The following NCAPG variants were observed in gnomAD, a reference collection of about 807,000 sequenced individuals.
NCAPG encodes condensin complex subunit 3.
NCAPG carries 69 observed loss-of-function variants against 113.1 expected under a neutral mutation model. The observed-to-expected ratio is 0.61, with a 90% CI of 0.50 to 0.75. The LOEUF is 0.75. NCAPG is among the 30% of genes least tolerant of loss of function. The pLI, the probability that NCAPG is intolerant of heterozygous loss-of-function variation, is 0.00. For missense variants in NCAPG, 1,058 were observed against 1,177.0 expected (o/e 0.90, Z 1.48); for synonymous variants, 370 against 415.8 (o/e 0.89, Z 1.34).
At chr4:17,834,185 C>A in intron 13 of NCAPG, 114 bp from the exon 14 acceptor site, 1 of 613,810 alleles carries the variant, frequency 1.6e-6, no homozygotes, top group Non-Finnish European at 2.7e-6. Context: ...TTAGACTAGA[C>A]ACTGTCATTA....
Position 17,839,658 on chromosome 4 carries a change from T to C in NCAPG, c.2467-18T>C, listed in dbSNP as rs760741655. On this transcript the variant is annotated intron_variant, in intron 16 of 20. Coordinates refer to ENST00000251496, the MANE Select transcript of NCAPG (RefSeq NM_022346.5). ...TAATCATCTTCAATTTACAGAGAAT[T>C]TTCTCTTAATTTTTTAGGCCTTAAC... The C allele has an allele frequency of 6.2e-5, 90 of 1,462,410 alleles. No homozygotes were observed. The South Asian group carries it at 1.3e-3, about 21-fold the overall frequency. The allele number at this position is 1,462,410 out of a possible 1,614,324, so 90.6% of individuals were successfully genotyped here.
intron 9 of NCAPG, 39 bp downstream of exon 9, chr4:17,823,809 T>C (rs1297414610): frequency 2.0e-5 from 31 of 1,529,982 alleles, no homozygotes; most frequent in Non-Finnish European, 2.8e-5. Flanking sequence ...GAGGTTTTGG[T>C]CAATGACATT....
At chr4:17,828,496 C>G in intron 12 of NCAPG, 108 bp downstream of exon 12, 1 of 551,378 alleles carries the variant, frequency 1.8e-6, no homozygotes, top group South Asian at 2.9e-5. Flanking sequence ...TCTTAAATAT[C>G]TGATAAGTAT....
intron 5 of NCAPG, among the ~76,000 whole-genome samples, chr4:17,816,986 G>T (rs1320998839): frequency 2.6e-5 from 4 of 152,128 alleles, no homozygotes; most frequent in Non-Finnish European, 5.9e-5. Context: ...GGTGGCGCAT[G>T]CCTGTAGTCC....
At chr4:17,840,715 T>C in intron 19 of NCAPG, 22 bp downstream of exon 19, 1 of 1,411,766 alleles carries the variant, frequency 7.1e-7, no homozygotes, top group Admixed American at 2.7e-5. Flanking sequence ...ATTGACCATC[T>C]TTATGATAAA....
Position 17,839,749 on chromosome 4 carries a change from T to C in NCAPG, c.2540T>C (p.Ile847Thr). 6.3e-7 allele frequency: 1 copy of C among 1,588,596 alleles called. No homozygotes were observed. The highest frequency in any genetic ancestry group is 8.5e-7 in the Non-Finnish European group (1 of 1,173,774). The change falls in exon 17 of 21, where the codon ATT (isoleucine) becomes ACT (threonine). Residue 847 changes from isoleucine to threonine, a missense_variant. Ile to Thr is a moderately conservative substitution (Grantham distance 89, BLOSUM62 -1). Transcript: ENST00000251496. Reference sequence around the variant, plus strand: ...TTAACAAGTCCGTGCTCGCCAGAAATTCGAGTCTATACAAAAGCCTTGAGT... The same window carrying C: ...TTAACAAGTCCGTGCTCGCCAGAAACTCGAGTCTATACAAAAGCCTTGAGT... ...EILTSPCSPE[I>T]RVYTKALSSL...
In NCAPG at chr4:17,811,329, T is replaced by G; in HGVS notation, c.111+141T>G. ...CGACTCACTTCATAGGGATCTGAGG[T>G]TCGGAGAAGTCAGGGACTTACCCGA... On this transcript the variant is annotated intron_variant, in intron 1 of 20. Coordinates refer to ENST00000251496, the MANE Select transcript of NCAPG (RefSeq NM_022346.5). This position sits in a 1 kb window ranked among gnomAD's most constrained non-coding sequence, Gnocchi z 5.3. The G allele has an allele frequency of 1.9e-6, 1 of 516,862 alleles. No individual in the cohort carries two copies. Among genetic ancestry groups the G allele is most frequent in the Non-Finnish European group, 3.3e-6 (1 of 302,528 alleles). The allele number at this position is 516,862 out of a possible 1,614,324, so 32.0% of individuals were successfully genotyped here. A position where few individuals can be genotyped will look rare whatever the true frequency, so the allele number is the denominator to read the frequency against.
At chr4:17,829,262 C>T (rs1721777152) in intron 12 of NCAPG, among the ~76,000 whole-genome samples, 1 of 152,152 alleles carries the variant, frequency 6.6e-6, no homozygotes, top group African/African-American at 2.4e-5. Flanking sequence ...ACAGAAGTCT[C>T]TCAAAACTGT....
At chr4:17,837,514 T>C in intron 15 of NCAPG, 113 bp from the exon 16 acceptor site, 3 of 1,343,942 alleles carry the variant, frequency 2.2e-6, no homozygotes, top group Non-Finnish European at 2.0e-6. Context: ...GGCTCTTTCC[T>C]AGATGAAAAT....
At chr4:17,829,840 G>T (rs1389056810) in intron 12 of NCAPG, among the ~76,000 whole-genome samples, 2 of 152,178 alleles carry the variant, frequency 1.3e-5, no homozygotes. Context: ...CGTTGATCTG[G>T]TCAAGTGAGA....
At chr4:17,832,034 G>A (rs1471565554) in intron 13 of NCAPG, among the ~76,000 whole-genome samples, 4 of 152,166 alleles carry the variant, frequency 2.6e-5, no homozygotes, top group African/African-American at 4.8e-5. Context: ...GAAGACAGCT[G>A]TAGATAATAC....
In NCAPG at chr4:17,844,669, A is replaced by T. The variant is rs2109081505; in HGVS notation, c.*1244A>T. On this transcript the variant is annotated 3_prime_UTR_variant, in exon 21 of 21. Transcript: ENST00000251496. ...CCTTATGTGTTGTTGTTTTAAAGACAATTTGCAGGGGGTTGGGAGAAGGAC... is the reference window on the plus strand; with the variant it reads ...CCTTATGTGTTGTTGTTTTAAAGACTATTTGCAGGGGGTTGGGAGAAGGAC... 1 of 152,438 alleles carries T rather than the reference A, an allele frequency of 6.6e-6. No homozygotes were observed. Among genetic ancestry groups the T allele is most frequent in the East Asian group, 1.9e-4 (1 of 5,184 alleles). 9.4% of individuals were successfully genotyped at this position (152,438 alleles called of 1,614,324 possible). A position where few individuals can be genotyped will look rare whatever the true frequency, so the allele number is the denominator to read the frequency against.
chr4:17,830,085 A>G (rs1721800487), intron 12 of NCAPG, among the ~76,000 whole-genome samples: 1 of 152,144 alleles, frequency 6.6e-6, no homozygotes, highest in African/African-American at 2.4e-5. Flanking sequence ...AAAATGAGAT[A>G]TGCTGTAAGG....
rs534674682 is a variant in NCAPG at position 17,815,531 on chromosome 4, A to G, written c.775+173A>G. Among the ~76,000 whole-genome samples, 10 of 152,158 alleles carry G rather than the reference A, an allele frequency of 6.6e-5. No individual in the cohort carries two copies. The South Asian group carries it at 1.4e-3, about 22-fold the overall frequency. On this transcript the variant is annotated intron_variant, in intron 5 of 20. Transcript: ENST00000251496. Reference sequence around the variant, plus strand: ...AACACAGGGCTAAAGATTTTGATATATATATATTTTTGAGACAGAGTCTCA... The same window carrying G: ...AACACAGGGCTAAAGATTTTGATATGTATATATTTTTGAGACAGAGTCTCA...
intron 18 of NCAPG, 28 bp downstream of exon 18, chr4:17,840,237 T>C: frequency 6.6e-7 from 1 of 1,512,864 alleles, no homozygotes; most frequent in Non-Finnish European, 8.8e-7. Context: ...AGAATATTTA[T>C]AAGGTTCTGT....
intron 16 of NCAPG, among the ~76,000 whole-genome samples, chr4:17,838,938 G>A (rs919127155): frequency 2.6e-4 from 39 of 152,214 alleles, no homozygotes; most frequent in African/African-American, 9.4e-4. Context: ...TGTATAATTC[G>A]CTTGTAGAAA....
intron 16 of NCAPG, among the ~76,000 whole-genome samples, chr4:17,839,105 CAT>C (rs1423828549): frequency 1.3e-5 from 2 of 152,074 alleles, no homozygotes; most frequent in African/African-American, 2.4e-5. Context: ...GAGCTGTTGA[CAT>C]AGTTTAATTG....
chr4:17,843,567 T>C lies in NCAPG; in HGVS notation c.*142T>C. The C allele has an allele frequency of 5.7e-6, 5 of 879,312 alleles. No individual in the cohort carries two copies. Among genetic ancestry groups the C allele is most frequent in the Non-Finnish European group, 8.7e-6 (5 of 574,900 alleles). The allele number at this position is 879,312 out of a possible 1,614,324, so 54.5% of individuals were successfully genotyped here. ...TGTGCGCTTCCACGTTACTTTGGCC[T>C]GTATTAAAGCAGTAGAGCAGCATCA... On this transcript the variant is annotated 3_prime_UTR_variant, in exon 21 of 21. Transcript: ENST00000251496.
intron 18 of NCAPG, 130 bp from the exon 19 acceptor site, chr4:17,840,477 T>G (rs1722310760): frequency 3.2e-6 from 2 of 621,824 alleles, no homozygotes; most frequent in South Asian, 1.2e-4. Context: ...GAAAGGGTGA[T>G]TTATAACTTT....
Sources: gnomAD v4.1 joint callset for allele counts (sites outside exome capture counted in the v4.1 genomes callset) on GRCh38, gnomAD v4.1.1 for gene constraint, Gnocchi (gnomAD v3.1) non-coding constraint, MANE v1.5 for transcripts, NCBI Gene and HGNC (gene_info 2026-07-23, HGNC 2026-07-21) for gene names.